Variants in CTNND2 observed in about 807,000 individuals in gnomAD.
CTNND2 encodes the protein catenin delta 2.
CTNND2 carries 22 observed loss-of-function variants against 144.4 expected under a neutral mutation model. The observed-to-expected ratio is 0.15, with a 90% CI of 0.11 to 0.22. The LOEUF (loss-of-function observed/expected upper bound fraction) is 0.22, where lower values mean the gene tolerates loss of function less well. Ranked by LOEUF, CTNND2 falls within the 10% of genes least tolerant of loss-of-function variation. The pLI is 1.00. For synonymous variants in CTNND2, 751 were observed against 695.6 expected (o/e 1.08, Z -1.25); for missense variants, 1,353 against 1,618.8 (o/e 0.84, Z 2.82).
At chr5:11,560,833 G>C (rs939451751) in intron 3 of CTNND2, among the ~76,000 whole-genome samples, 2 of 152,214 alleles carry the variant, frequency 1.3e-5, no homozygotes, top group Non-Finnish European at 2.9e-5. Context: ...TGCATTCATA[G>C]AACTGCAGAA....
intron 12 of CTNND2, among the ~76,000 whole-genome samples, chr5:11,150,617 CTTTTTT>C (rs10602477): frequency 1.4e-5 from 1 of 72,016 alleles, no homozygotes; most frequent in Non-Finnish European, 2.5e-5. Context: ...CTGCTGCCTT[CTTTTTT>C]TTTTTTTTTT....
intron 2 of CTNND2, among the ~76,000 whole-genome samples, chr5:11,689,587 C>CT (rs757213232): frequency 5.3e-5 from 8 of 152,170 alleles, no homozygotes; most frequent in African/African-American, 1.7e-4. Flanking sequence ...TTGTCACTTA[C>CT]TTTTTTTCAC....
At chr5:11,442,892 TTA>T (rs1764403018) in intron 3 of CTNND2, among the ~76,000 whole-genome samples, 1 of 147,006 alleles carries the variant, frequency 6.8e-6, no homozygotes, top group South Asian at 2.1e-4. Context: ...TATATATTTA[TTA>T]TATATTAGTG....
intron 9 of CTNND2, among the ~76,000 whole-genome samples, chr5:11,267,184 C>T (rs2149968628): frequency 6.6e-6 from 1 of 152,244 alleles, no homozygotes; most frequent in East Asian, 1.9e-4. Flanking sequence ...CGACCTGAAG[C>T]TGACTTTCCA....
At chr5:11,211,821 A>G (rs751005038) in intron 10 of CTNND2, among the ~76,000 whole-genome samples, 15 of 152,242 alleles carry the variant, frequency 9.9e-5, no homozygotes, top group Non-Finnish European at 2.1e-4. Context: ...GTCTTAGCCT[A>G]TGGTTGTAAC....
intron 12 of CTNND2, among the ~76,000 whole-genome samples, chr5:11,140,115 G>T (rs1357963132): frequency 6.6e-6 from 1 of 152,192 alleles, no homozygotes; most frequent in Non-Finnish European, 1.5e-5. Flanking sequence ...CCCTTGCCAT[G>T]TAATTTAAGG....
chr5:11,471,357 T>C (rs1366283759), intron 3 of CTNND2, among the ~76,000 whole-genome samples: 3 of 152,142 alleles, frequency 2.0e-5, no homozygotes, highest in Non-Finnish European at 4.4e-5. Context: ...TTTTATAGTC[T>C]AAAAAATGAA....
At chr5:11,200,741 C>T (rs1188178199) in intron 10 of CTNND2, among the ~76,000 whole-genome samples, 1 of 152,100 alleles carries the variant, frequency 6.6e-6, no homozygotes, top group African/African-American at 2.4e-5. Flanking sequence ...TGCAGTGGCG[C>T]CATCTCGGCT....
chr5:11,813,653 CT>C (rs1195153036), intron 1 of CTNND2, among the ~76,000 whole-genome samples: 1 of 152,228 alleles, frequency 6.6e-6, no homozygotes, highest in African/African-American at 2.4e-5. Context: ...AAAACAAACA[CT>C]TTTTTTATTA....
At chr5:11,165,663 T>G (rs1017218805) in intron 11 of CTNND2, among the ~76,000 whole-genome samples, 1 of 152,196 alleles carries the variant, frequency 6.6e-6, no homozygotes, top group Non-Finnish European at 1.5e-5. Flanking sequence ...GCGAAGACAT[T>G]TACGTATACT....
intron 2 of CTNND2, among the ~76,000 whole-genome samples, chr5:11,597,467 T>G (rs1779569683): frequency 6.6e-6 from 1 of 152,232 alleles, no homozygotes; most frequent in Non-Finnish European, 1.5e-5. Flanking sequence ...TAAGGCTCAT[T>G]TAGCTCTACA....
intron 9 of CTNND2, among the ~76,000 whole-genome samples, chr5:11,324,316 T>C (rs1752324572): frequency 6.6e-6 from 1 of 152,190 alleles, no homozygotes; most frequent in Admixed American, 6.5e-5. Context: ...CCCATCAGAT[T>C]GAAGCCTGCT....
intron 18 of CTNND2, among the ~76,000 whole-genome samples, chr5:10,993,048 C>T (rs757849570): frequency 4.6e-5 from 7 of 152,148 alleles, no homozygotes; most frequent in East Asian, 1.9e-4. Context: ...CTCCCTCTTC[C>T]GCTGCCTCAA....
chr5:11,123,414 G>T (rs1754342399), intron 12 of CTNND2, among the ~76,000 whole-genome samples: 1 of 152,208 alleles, frequency 6.6e-6, no homozygotes, highest in East Asian at 1.9e-4. Context: ...CTGGGTGAGT[G>T]TTGGGGACAT....
intron 3 of CTNND2, among the ~76,000 whole-genome samples, chr5:11,485,370 TGTGTGCGCGC>T (rs1462248392): frequency 1.7e-4 from 22 of 126,490 alleles, no homozygotes; most frequent in Non-Finnish European, 4.0e-4. Context: ...TGTGTGTGTG[TGTGTGCGCGC>T]GCGCGCGTGC....
intron 3 of CTNND2, among the ~76,000 whole-genome samples, chr5:11,463,022 G>T (rs967813620): frequency 1.3e-5 from 2 of 152,152 alleles, no homozygotes; most frequent in African/African-American, 4.8e-5. Flanking sequence ...AAAGCTGTTT[G>T]CCATTCCCTT....
chr5:11,502,027 C>CAAAAA (rs547364682), intron 3 of CTNND2, among the ~76,000 whole-genome samples: 3 of 57,240 alleles, frequency 5.2e-5, no homozygotes, highest in African/African-American at 9.0e-5. Context: ...GACTCCATCT[C>CAAAAA]AAAAAAAAAA....
chr5:11,206,483 A>G (rs998931496), intron 10 of CTNND2, among the ~76,000 whole-genome samples: 2 of 152,150 alleles, frequency 1.3e-5, no homozygotes, highest in African/African-American at 2.4e-5. Flanking sequence ...TTCTTTTCTA[A>G]AGACACCACT....
chr5:11,370,670 A>C lies in CTNND2; in HGVS notation c.1178-5780T>G, dbSNP rs577969164. ...GCAAATTCACCTGCCTTTACAAAGA[A>C]ATATATTTTTCCATGTTTTCATTTT... On this transcript the variant is annotated intron_variant, in intron 7 of 21. Coordinates refer to ENST00000304623, the MANE Select transcript of CTNND2 (RefSeq NM_001332.4). Among the ~76,000 whole-genome samples, 3 of 152,352 alleles carry C rather than the reference A, an allele frequency of 2.0e-5. No individual in the cohort carries two copies. In the South Asian group the frequency reaches 6.2e-4, roughly 32 times the overall value.
Sources: allele counts gnomAD v4.1 joint callset (sites outside exome capture counted in the v4.1 genomes callset), GRCh38; gene constraint gnomAD v4.1.1; transcripts MANE v1.5; gene names NCBI Gene and HGNC (gene_info 2026-07-23, HGNC 2026-07-21).